The following ZNF804B variants were observed in gnomAD, a reference collection of about 807,000 sequenced individuals.
The protein encoded by ZNF804B is zinc finger protein 804B, also known as zinc finger 804B.
ZNF804B carries 80 observed loss-of-function variants against 101.4 expected under a neutral mutation model. That is an observed-to-expected ratio of 0.79 (90% confidence interval 0.66 to 0.95). The LOEUF (loss-of-function observed/expected upper bound fraction) is 0.95, where lower values mean the gene tolerates loss of function less well. ZNF804B is among the 40% of genes least tolerant of loss of function. The pLI is 0.00. For missense variants in ZNF804B, 1,673 were observed against 1,561.9 expected (o/e 1.07, Z -1.20); for synonymous variants, 622 against 558.8 (o/e 1.11, Z -1.59).
intron 2 of ZNF804B, among the ~76,000 whole-genome samples, chr7:89,302,441 C>G (rs1790490434): frequency 6.6e-6 from 1 of 151,632 alleles, no homozygotes; most frequent in South Asian, 2.1e-4. Context: ...TCATCTTGGG[C>G]AATGTTAACC....
intron 1 of ZNF804B, among the ~76,000 whole-genome samples, chr7:88,949,719 T>C (rs1344485544): frequency 6.6e-6 from 1 of 151,924 alleles, no homozygotes; most frequent in East Asian, 1.9e-4. Flanking sequence ...CGTAAAGATG[T>C]TTTCATCAAC....
chr7:89,270,584 AT>A (rs1210528194), intron 2 of ZNF804B, among the ~76,000 whole-genome samples: 1 of 151,862 alleles, frequency 6.6e-6, no homozygotes, highest in East Asian at 1.9e-4. Flanking sequence ...TTAAAGTAGT[AT>A]TTTCCAATTC....
At chr7:89,032,169 T>C (rs1788847086) in intron 1 of ZNF804B, among the ~76,000 whole-genome samples, 1 of 152,132 alleles carries the variant, frequency 6.6e-6, no homozygotes, top group South Asian at 2.1e-4. Context: ...TTCAGAACGT[T>C]GATTTTTTTC....
intron 1 of ZNF804B, among the ~76,000 whole-genome samples, chr7:89,155,762 C>G (rs971423748): frequency 3.3e-4 from 50 of 152,278 alleles, no homozygotes; most frequent in Non-Finnish European, 5.6e-4. Flanking sequence ...ATTGCCCATT[C>G]TATTATCTTT....
chr7:88,903,098 C>T (rs570081074), intron 1 of ZNF804B, among the ~76,000 whole-genome samples: 1 of 150,226 alleles, frequency 6.7e-6, no homozygotes, highest in African/African-American at 2.4e-5. Context: ...CACCCTTCCC[C>T]CTTCCTCCCC....
rs1180172735 is a variant in ZNF804B at position 89,334,547 on chromosome 7, A to G, written c.1565A>G (p.Asp522Gly). The change falls in exon 4 of 4, where the codon GAC becomes GGC. Residue 522 changes from aspartate (D) to glycine (G), a missense_variant. Asp to Gly is a moderately conservative substitution (Grantham distance 94). Coordinates refer to ENST00000333190, the MANE Select transcript of ZNF804B (RefSeq NM_181646.5). ...RESQVSGLTE[D>G]QQKLIQEDYQ... ...AGCCAAGTCTCAGGTTTAACTGAAG[A>G]CCAACAAAAATTGATCCAAGAAGAT... 2.5e-6 allele frequency: 4 copies of G among 1,613,676 alleles called. No homozygotes were observed. The highest frequency in any genetic ancestry group is 3.4e-6 in the Non-Finnish European group (4 of 1,179,810).
At chr7:89,324,766 C>A (rs766536459) in intron 2 of ZNF804B, among the ~76,000 whole-genome samples, 1 of 150,118 alleles carries the variant, frequency 6.7e-6, no homozygotes, top group Non-Finnish European at 1.5e-5. Context: ...GTTTCAACTG[C>A]TATTACATCC....
chr7:89,299,498 C>A (rs1025381563), intron 2 of ZNF804B, among the ~76,000 whole-genome samples: 4 of 151,932 alleles, frequency 2.6e-5, no homozygotes, highest in African/African-American at 2.4e-5. Context: ...CAGTTTTATT[C>A]ATATATGCCA....
chr7:89,215,891 A>ATAAT (rs1788886838), intron 1 of ZNF804B, among the ~76,000 whole-genome samples: 1 of 116,748 alleles, frequency 8.6e-6, no homozygotes, highest in Non-Finnish European at 1.9e-5. Flanking sequence ...CTCTAAATAA[A>ATAAT]TAAATAAATA....
chr7:88,862,342 G>A (rs973547330), intron 1 of ZNF804B, among the ~76,000 whole-genome samples: 7 of 152,070 alleles, frequency 4.6e-5, no homozygotes, highest in Non-Finnish European at 7.4e-5. Flanking sequence ...TAAGGAGCTC[G>A]CCATTTAGCC....
At chr7:89,007,390 G>T (rs989064968) in intron 1 of ZNF804B, among the ~76,000 whole-genome samples, 3 of 134,332 alleles carry the variant, frequency 2.2e-5, no homozygotes, top group Admixed American at 1.6e-4. Flanking sequence ...CCGGGTTCAG[G>T]AAACACTTCA....
In ZNF804B at chr7:89,088,032, T is replaced by C. The variant is rs186837145; in HGVS notation, c.109-130123T>C. Among the ~76,000 whole-genome samples, 157 of 151,424 alleles carry C rather than the reference T, an allele frequency of 1.0e-3. 1 individual carries two copies. The highest frequency in any genetic ancestry group is 3.6e-3 in the African/African-American group (148 of 41,412). ...TTTATTTCGTTTCCACCATAACTCT[T>C]CAAGAGAGTATATTTGATTTTACAG... On this transcript the variant is annotated intron_variant, in intron 1 of 3. Transcript: ENST00000333190.
chr7:89,128,232 A>T (rs12704438), intron 1 of ZNF804B, among the ~76,000 whole-genome samples: 36,460 of 151,696 alleles, frequency 0.24, 6,137 homozygotes, highest in African/African-American at 0.49. Context: ...AAAGTCCTAG[A>T]CATGTAGTTG....
At chr7:88,787,344 A>G (rs1790318221) in intron 1 of ZNF804B, among the ~76,000 whole-genome samples, 1 of 152,176 alleles carries the variant, frequency 6.6e-6, no homozygotes, top group South Asian at 2.1e-4. Flanking sequence ...AGTGCTGACT[A>G]TACTCAAATT....
chr7:88,953,389 C>A (rs1411172181), intron 1 of ZNF804B, among the ~76,000 whole-genome samples: 2 of 151,742 alleles, frequency 1.3e-5, no homozygotes, highest in Admixed American at 6.6e-5. Context: ...CTCTAAATAA[C>A]CCTCCAGTTA....
At chr7:89,013,775 C>T (rs1416943019) in intron 1 of ZNF804B, among the ~76,000 whole-genome samples, 1 of 152,182 alleles carries the variant, frequency 6.6e-6, no homozygotes, top group African/African-American at 2.4e-5. Context: ...CCTCCTTTCT[C>T]CTACCCTTTC....
At chr7:88,989,676 A>G (rs1439532244) in intron 1 of ZNF804B, among the ~76,000 whole-genome samples, 5 of 152,170 alleles carry the variant, frequency 3.3e-5, no homozygotes. Flanking sequence ...ACCTAATGAC[A>G]TTCAGAGATA....
intron 1 of ZNF804B, among the ~76,000 whole-genome samples, chr7:88,996,466 A>T (rs941823900): frequency 6.6e-6 from 1 of 152,082 alleles, no homozygotes; most frequent in Non-Finnish European, 1.5e-5. Context: ...TCCCTCTGAC[A>T]CATCTTAATG....
At chr7:88,791,992 C>G (rs1790388919) in intron 1 of ZNF804B, among the ~76,000 whole-genome samples, 1 of 152,010 alleles carries the variant, frequency 6.6e-6, no homozygotes, top group South Asian at 2.1e-4. Flanking sequence ...ACTCACATGT[C>G]TAGTGGATGA....
Sources: gnomAD v4.1 joint callset for allele counts (sites outside exome capture counted in the v4.1 genomes callset) on GRCh38, gnomAD v4.1.1 for gene constraint, MANE v1.5 for transcripts, NCBI Gene and HGNC (gene_info 2026-07-23, HGNC 2026-07-21) for gene names.